The following UTRN variants were observed in gnomAD, a reference collection of about 807,000 sequenced individuals.
UTRN encodes utrophin.
UTRN carries 283 observed loss-of-function variants against 463.9 expected under a neutral mutation model. That is an observed-to-expected ratio of 0.61 (90% confidence interval 0.55 to 0.67). The LOEUF is 0.67. Ranked by LOEUF, UTRN falls within the 30% of genes least tolerant of loss-of-function variation. The probability of loss-of-function intolerance (pLI) is 0.00; values close to 1 mark genes in which losing one functional copy is unlikely to be tolerated. For synonymous variants in UTRN, 1,442 were observed against 1,431.5 expected, an observed-to-expected ratio of 1.01 and a Z score of -0.17; for missense variants, 3,922 against 4,084.3, an observed-to-expected ratio of 0.96 and a Z score of 1.08.
chr6:144,357,961 C>T (rs1392831653), intron 2 of UTRN, among the ~76,000 whole-genome samples: 2 of 152,216 alleles, frequency 1.3e-5, no homozygotes, highest in African/African-American at 4.8e-5. Context: ...TGTCCCCAAC[C>T]ATTCTTATAC....
intron 3 of UTRN, among the ~76,000 whole-genome samples, chr6:144,406,879 C>T (rs533616226): frequency 6.6e-6 from 1 of 152,116 alleles, no homozygotes; most frequent in African/African-American, 2.4e-5. Flanking sequence ...CCAATTTACT[C>T]CTAATTTTAT....
At chr6:144,297,441 A>G (rs1804827824) in intron 2 of UTRN, among the ~76,000 whole-genome samples, 1 of 152,214 alleles carries the variant, frequency 6.6e-6, no homozygotes, top group South Asian at 2.1e-4. Context: ...TTCTTGAGGA[A>G]AGACAGTGGT....
chr6:144,630,558 G>A (rs1004530256), intron 51 of UTRN, among the ~76,000 whole-genome samples: 8 of 152,104 alleles, frequency 5.3e-5, no homozygotes, highest in African/African-American at 1.2e-4. Context: ...AGCAGCATGG[G>A]AAAAACCTTT....
intron 73 of UTRN, among the ~76,000 whole-genome samples, chr6:144,844,343 T>C (rs1781844110): frequency 6.6e-6 from 1 of 151,828 alleles, no homozygotes; most frequent in Non-Finnish European, 1.5e-5. Flanking sequence ...ATCTCAGGTC[T>C]GTATAACCTC....
At position 144,482,349 on chromosome 6, in the gene UTRN, T is replaced by TC. The variant is rs1420791238; in HGVS notation, c.3649dup (p.Leu1217ProfsTer3). ...ATGTTGTGCTGGAGAATTACCAACT[T>TC]CTTTGTAATAGAATTCGAGGAAAGT... On this transcript the variant is annotated frameshift_variant, in exon 27 of 75. Coordinates refer to ENST00000367545, the MANE Select transcript of UTRN (RefSeq NM_007124.3). LOFTEE classifies it high-confidence loss of function. 8 of 1,601,286 alleles carry TC rather than the reference T, an allele frequency of 5.0e-6. No homozygotes were observed. Among genetic ancestry groups the TC allele is most frequent in the Non-Finnish European group, 6.8e-6 (8 of 1,176,796 alleles).
intron 2 of UTRN, chr6:144,344,425 G>A: frequency 1.8e-6 from 2 of 1,132,798 alleles, no homozygotes; most frequent in South Asian, 1.4e-5. Flanking sequence ...GCTGGTGACG[G>A]GAACAGACAG....
At chr6:144,642,154 A>G (rs1387088488) in intron 51 of UTRN, among the ~76,000 whole-genome samples, 2 of 152,190 alleles carry the variant, frequency 1.3e-5, no homozygotes, top group Admixed American at 6.5e-5. Flanking sequence ...TTCTCTTTTT[A>G]TTATGGCTAA....
intron 54 of UTRN, among the ~76,000 whole-genome samples, chr6:144,745,770 A>C (rs1172936718): frequency 6.6e-6 from 1 of 152,144 alleles, no homozygotes; most frequent in Non-Finnish European, 1.5e-5. Context: ...AAATTACCAT[A>C]ATTAAGTTGT....
At chr6:144,741,093 C>A (rs1790018162) in intron 54 of UTRN, among the ~76,000 whole-genome samples, 1 of 152,236 alleles carries the variant, frequency 6.6e-6, no homozygotes, top group Non-Finnish European at 1.5e-5. Flanking sequence ...AAACTGGAAT[C>A]TTCCAAGAAT....
chr6:144,708,343 C>T lies in UTRN; in HGVS notation c.7809+8100C>T, dbSNP rs1326575484. ...AGAAGTCTTCTGTATTTTCCAGTCCCAAAACTGAATCGATAAAAAAGAGTG... is the reference window on the plus strand; with the variant it reads ...AGAAGTCTTCTGTATTTTCCAGTCCTAAAACTGAATCGATAAAAAAGAGTG... On this transcript the variant is annotated intron_variant, in intron 53 of 74. Coordinates refer to ENST00000367545, the MANE Select transcript of UTRN (RefSeq NM_007124.3). 6 of 665,770 alleles carry T rather than the reference C, an allele frequency of 9.0e-6. No homozygotes were observed. The East Asian group carries it at 1.8e-4, about 20-fold the overall frequency. 41.2% of individuals were successfully genotyped at this position (665,770 alleles called of 1,614,324 possible). A position where few individuals can be genotyped will look rare whatever the true frequency, so the allele number is the denominator to read the frequency against.
intron 41 of UTRN, among the ~76,000 whole-genome samples, chr6:144,523,896 G>A (rs1425665570): frequency 6.6e-6 from 1 of 152,124 alleles, no homozygotes; most frequent in Non-Finnish European, 1.5e-5. Flanking sequence ...CTGTTTAAAT[G>A]AATGCTTTTG....
intron 53 of UTRN, among the ~76,000 whole-genome samples, chr6:144,705,930 T>G (rs1785044298): frequency 6.6e-6 from 1 of 151,630 alleles, no homozygotes. Context: ...TAAATCTACA[T>G]TATTACAGTT....
chr6:144,390,346 A>G (rs1781798443), intron 2 of UTRN, among the ~76,000 whole-genome samples: 1 of 152,124 alleles, frequency 6.6e-6, no homozygotes, highest in African/African-American at 2.4e-5. Flanking sequence ...AGCACGGGCA[A>G]TTCTAATAAG....
intron 61 of UTRN, among the ~76,000 whole-genome samples, chr6:144,783,335 T>C (rs1776018088): frequency 6.6e-6 from 1 of 152,210 alleles, no homozygotes; most frequent in Non-Finnish European, 1.5e-5. Flanking sequence ...TGATCATTCA[T>C]AAATGCACAC....
chr6:144,732,679 TTATGTTA>T (rs1788855681), intron 54 of UTRN, among the ~76,000 whole-genome samples: 1 of 149,942 alleles, frequency 6.7e-6, no homozygotes, highest in Admixed American at 6.7e-5. Flanking sequence ...TTATGTTATG[TTATGTTA>T]TGTTATGTTA....
At chr6:144,631,728 G>T (rs1231912075) in intron 51 of UTRN, among the ~76,000 whole-genome samples, 1 of 151,976 alleles carries the variant, frequency 6.6e-6, no homozygotes, top group Non-Finnish European at 1.5e-5. Flanking sequence ...TTCATATTTG[G>T]GAGGGCTTTG....
At chr6:144,514,883 A>G in intron 37 of UTRN, 63 bp downstream of exon 37, 1 of 1,435,748 alleles carries the variant, frequency 7.0e-7, no homozygotes, top group Non-Finnish European at 9.4e-7. Context: ...AATGATAGTC[A>G]TACAGTACAT....
intron 2 of UTRN, among the ~76,000 whole-genome samples, chr6:144,399,979 T>G (rs371565853): frequency 1.3e-5 from 2 of 152,212 alleles, no homozygotes; most frequent in East Asian, 3.9e-4. Flanking sequence ...AGCAAAATAT[T>G]TAGAGGAAGA....
At chr6:144,429,766 G>A (rs375121400) in intron 9 of UTRN, 25 bp downstream of exon 9, 58 of 1,595,032 alleles carry the variant, frequency 3.6e-5, no homozygotes, top group African/African-American at 6.8e-5. Flanking sequence ...TTATTAAGAT[G>A]TTTGGCTTGC....
Sources: gnomAD v4.1 joint callset for allele counts (sites outside exome capture counted in the v4.1 genomes callset) on GRCh38, gnomAD v4.1.1 for gene constraint, MANE v1.5 for transcripts, NCBI Gene and HGNC (gene_info 2026-07-23, HGNC 2026-07-21) for gene names.